WDR70: variants seen among roughly 807,000 people sequenced by gnomAD.
WDR70 encodes the protein WD repeat domain 70, also known as WD repeat-containing protein 70.
Under a neutral mutation model 88.6 loss-of-function variants are expected in WDR70, and 53 were observed. The ratio of observed to expected loss-of-function variants is 0.60; its 90% CI spans 0.48 to 0.75. The LOEUF (loss-of-function observed/expected upper bound fraction) is 0.75. Among genes scored for constraint, WDR70 ranks in the 30% least tolerant of loss-of-function variants. WDR70 has a pLI of 0.00. For missense variants in WDR70, 610 were observed against 823.2 expected, an observed-to-expected ratio of 0.74 and a Z score of 3.17; for synonymous variants, 280 against 270.0, an observed-to-expected ratio of 1.04 and a Z score of -0.36.
At chr5:37,731,049 C>T (rs929459706) in intron 17 of WDR70, among the ~76,000 whole-genome samples, 2 of 152,098 alleles carry the variant, frequency 1.3e-5, no homozygotes, top group African/African-American at 4.8e-5. Context: ...GTCGCTTTGG[C>T]TTAATCCTGC....
At chr5:37,592,133 A>G in intron 9 of WDR70, among the ~76,000 whole-genome samples, 1 of 152,116 alleles carries the variant, frequency 6.6e-6, no homozygotes. Flanking sequence ...AAATTGTGGA[A>G]TATTTGCATA....
chr5:37,701,250 G>A, intron 12 of WDR70, 108 bp downstream of exon 12: 1 of 700,932 alleles, frequency 1.4e-6, no homozygotes, highest in South Asian at 2.1e-5. Flanking sequence ...CTGGAAAAGA[G>A]ACTTGAGAGA....
intron 10 of WDR70, among the ~76,000 whole-genome samples, chr5:37,625,654 A>G (rs1744642503): frequency 6.6e-6 from 1 of 151,930 alleles, no homozygotes; most frequent in Admixed American, 6.6e-5. Flanking sequence ...CCTCCTGAGT[A>G]GTTGGGATTA....
At chr5:37,565,861 T>C (rs777679652) in intron 9 of WDR70, among the ~76,000 whole-genome samples, 2 of 152,124 alleles carry the variant, frequency 1.3e-5, no homozygotes, top group Non-Finnish European at 2.9e-5. Context: ...AAGATTTGAA[T>C]GTGTTCAGCA....
At chr5:37,679,889 A>T (rs1261324259) in intron 10 of WDR70, among the ~76,000 whole-genome samples, 3 of 152,246 alleles carry the variant, frequency 2.0e-5, no homozygotes, top group African/African-American at 7.2e-5. Context: ...GGCTCCACCC[A>T]GTTGGAGCTT....
intron 9 of WDR70, among the ~76,000 whole-genome samples, chr5:37,563,495 A>C (rs1451491744): frequency 6.5e-5 from 3 of 46,294 alleles, no homozygotes; most frequent in Non-Finnish European, 1.0e-4. Context: ...ACTTCCCAGT[A>C]GGGGCGGCCG....
intron 10 of WDR70, among the ~76,000 whole-genome samples, chr5:37,664,678 A>G (rs1217544217): frequency 6.6e-6 from 1 of 152,128 alleles, no homozygotes; most frequent in African/African-American, 2.4e-5. Context: ...TTTGTTTTGA[A>G]TGTTTGCCTC....
At chr5:37,646,535 G>A (rs1480064352) in intron 10 of WDR70, among the ~76,000 whole-genome samples, 1 of 152,074 alleles carries the variant, frequency 6.6e-6, no homozygotes, top group Non-Finnish European at 1.5e-5. Context: ...AGCATTTCAT[G>A]TAGGACAGGT....
At chr5:37,510,904 A>G (rs1047856094) in intron 8 of WDR70, among the ~76,000 whole-genome samples, 5 of 152,230 alleles carry the variant, frequency 3.3e-5, no homozygotes, top group Non-Finnish European at 7.3e-5. Context: ...TAGAAGGACT[A>G]TGACAGAAAT....
Position 37,516,712 on chromosome 5 carries a change from C to CAT in WDR70, c.917+135_917+136dup, listed in dbSNP as rs951166049. ...GAATATTAGGAATTCTTATTATATA[C>CAT]ATATATATATATATTTTTTTTTTTT... On this transcript the variant is annotated intron_variant, in intron 9 of 17. Coordinates refer to ENST00000265107, the MANE Select transcript of WDR70 (RefSeq NM_018034.4). 374 of 154,290 alleles carry CAT rather than the reference C, an allele frequency of 2.4e-3. 3 individuals carry two copies. Among genetic ancestry groups the CAT allele is most frequent in the African/African-American group, 0.01 (358 of 35,194 alleles). The allele number at this position is 154,290 out of a possible 1,614,324, so 9.6% of individuals were successfully genotyped here. A position where few individuals can be genotyped will look rare whatever the true frequency, so the allele number is the denominator to read the frequency against.
At chr5:37,738,031 A>T in intron 17 of WDR70, among the ~76,000 whole-genome samples, 1 of 127,666 alleles carries the variant, frequency 7.8e-6, no homozygotes, top group African/African-American at 4.7e-5. Context: ...CTAATATTTA[A>T]AAAAAAAAAA....
At chr5:37,547,848 C>T (rs1742039593) in intron 9 of WDR70, among the ~76,000 whole-genome samples, 2 of 152,118 alleles carry the variant, frequency 1.3e-5, no homozygotes, top group African/African-American at 4.8e-5. Context: ...TCTCCATGGG[C>T]TCAATTATTT....
Position 37,421,594 on chromosome 5 carries a change from A to G in WDR70, c.493-16328A>G, listed in dbSNP as rs536123300. Reference sequence around the variant, plus strand: ...TTTTGTGCTACCTCTGATTTGTTATATTCCTGTCTTACATTTTTAGTAACA... The same window carrying G: ...TTTTGTGCTACCTCTGATTTGTTATGTTCCTGTCTTACATTTTTAGTAACA... On this transcript the variant is annotated intron_variant, in intron 5 of 17. Transcript: ENST00000265107. 1.4e-4 allele frequency among the ~76,000 whole-genome samples: 21 copies of G among 152,264 alleles called. No homozygotes were observed. The South Asian group carries it at 3.9e-3, about 29-fold the overall frequency.
intron 9 of WDR70, among the ~76,000 whole-genome samples, chr5:37,549,848 G>A (rs1742092284): frequency 6.6e-6 from 1 of 151,770 alleles, no homozygotes; most frequent in African/African-American, 2.4e-5. Context: ...TATCAAGAAG[G>A]GATGTTGAAT....
intron 8 of WDR70, among the ~76,000 whole-genome samples, chr5:37,499,635 G>A (rs565519610): frequency 3.7e-3 from 305 of 82,790 alleles, no homozygotes; most frequent in African/African-American, 0.018. Flanking sequence ...CTCTCGTCTC[G>A]GTTCACTGCA....
chr5:37,673,583 A>ACCCCCCCCCC (rs139281997), intron 10 of WDR70, among the ~76,000 whole-genome samples: 4 of 76,226 alleles, frequency 5.2e-5, no homozygotes, highest in Non-Finnish European at 7.2e-5. Flanking sequence ...GACTTTTCTT[A>ACCCCCCCCCC]CCCCCCCCCC....
intron 17 of WDR70, among the ~76,000 whole-genome samples, chr5:37,750,400 G>A (rs1345010760): frequency 1.3e-5 from 2 of 152,180 alleles, no homozygotes; most frequent in Non-Finnish European, 2.9e-5. Flanking sequence ...ATCAGACATG[G>A]TGGTGCACAT....
At chr5:37,544,010 G>A (rs1397629225) in intron 9 of WDR70, among the ~76,000 whole-genome samples, 2 of 152,150 alleles carry the variant, frequency 1.3e-5, no homozygotes, top group African/African-American at 4.8e-5. Flanking sequence ...GACGTCAAGG[G>A]ATCCACCTGC....
chr5:37,681,610 C>T (rs1037928686), intron 10 of WDR70, among the ~76,000 whole-genome samples: 2 of 152,056 alleles, frequency 1.3e-5, no homozygotes, highest in Non-Finnish European at 2.9e-5. Flanking sequence ...TTCTTTAATA[C>T]CTAGTTTATT....
Sources: gnomAD v4.1 joint callset for allele counts (sites outside exome capture counted in the v4.1 genomes callset) on GRCh38, gnomAD v4.1.1 for gene constraint, MANE v1.5 for transcripts, NCBI Gene and HGNC (gene_info 2026-07-23, HGNC 2026-07-21) for gene names.